FIGN: variants seen among roughly 807,000 people sequenced by gnomAD.
FIGN encodes fidgetin, microtubule severing factor.
Under a neutral mutation model 51.3 loss-of-function variants are expected in FIGN, and 11 were observed. The observed-to-expected ratio is 0.21, with a 90% CI of 0.13 to 0.35. FIGN has a LOEUF of 0.35. Among genes scored for constraint, FIGN ranks in the 10% least tolerant of loss-of-function variants. FIGN has a pLI of 1.00. For synonymous variants in FIGN, 407 were observed against 363.2 expected (o/e 1.12, Z -1.37); for missense variants, 857 against 943.6 (o/e 0.91, Z 1.20).
chr2:163,645,902 AC>A (rs1003370381), intron 2 of FIGN, among the ~76,000 whole-genome samples: 1 of 152,218 alleles, frequency 6.6e-6, no homozygotes, highest in Non-Finnish European at 1.5e-5. Flanking sequence ...CACCCTCCAA[AC>A]TTTTATTTCA....
At position 163,656,985 on chromosome 2, in the gene FIGN, A is replaced by T. The variant is rs1005557966; in HGVS notation, c.26-45179T>A. ...CTGAATGTATATGGAAAACAGATACATATTGTAAATGGAAAACAGAAAGAA... is the reference window on the plus strand; with the variant it reads ...CTGAATGTATATGGAAAACAGATACTTATTGTAAATGGAAAACAGAAAGAA... On this transcript the variant is annotated intron_variant, in intron 2 of 2. Transcript: ENST00000333129. Among the ~76,000 whole-genome samples, 16 of 152,284 alleles carry T rather than the reference A, an allele frequency of 1.1e-4. No individual in the cohort carries two copies. In the East Asian group the frequency reaches 2.9e-3, roughly 28 times the overall value.
intron 2 of FIGN, among the ~76,000 whole-genome samples, chr2:163,702,576 G>T (rs1190727195): frequency 6.6e-6 from 1 of 151,760 alleles, no homozygotes; most frequent in East Asian, 1.9e-4. Context: ...CAAACCAAAG[G>T]CTACTCTGAA....
At chr2:163,659,375 C>T (rs1381597421) in intron 2 of FIGN, among the ~76,000 whole-genome samples, 2 of 151,800 alleles carry the variant, frequency 1.3e-5, no homozygotes, top group African/African-American at 4.9e-5. Context: ...ACTACTAGAA[C>T]AATCTGTCCT....
chr2:163,615,192 C>T (rs1028069145), intron 2 of FIGN, among the ~76,000 whole-genome samples: 4 of 152,092 alleles, frequency 2.6e-5, no homozygotes, highest in South Asian at 2.1e-4. Context: ...TAACAATAAC[C>T]TTTGCAGAGC....
intron 2 of FIGN, among the ~76,000 whole-genome samples, chr2:163,659,146 T>G (rs1683611120): frequency 6.6e-6 from 1 of 152,160 alleles, no homozygotes; most frequent in African/African-American, 2.4e-5. Context: ...GAATGATAAA[T>G]AAGTTCAGAA....
intron 2 of FIGN, among the ~76,000 whole-genome samples, chr2:163,647,677 TAA>T (rs1354236767): frequency 6.6e-6 from 1 of 152,164 alleles, no homozygotes; most frequent in Non-Finnish European, 1.5e-5. Flanking sequence ...ACAAACTTTA[TAA>T]AACAAGAGGG....
chr2:163,669,996 A>G (rs1407205415), intron 2 of FIGN, among the ~76,000 whole-genome samples: 2 of 152,206 alleles, frequency 1.3e-5, no homozygotes, highest in Non-Finnish European at 2.9e-5. Context: ...ACATTTTTAC[A>G]TCAATGAAGT....
chr2:163,657,021 A>G (rs563358294), intron 2 of FIGN, among the ~76,000 whole-genome samples: 8 of 152,212 alleles, frequency 5.3e-5, no homozygotes, highest in African/African-American at 1.4e-4. Context: ...GGCCATCTTT[A>G]TAAGGCCAAC....
rs541813556 is a variant in FIGN at position 163,651,113 on chromosome 2, G to A, written c.26-39307C>T. Reference sequence around the variant, plus strand: ...AAAGACTTAAAATTGTCCTTTCATTGCTTTTATACATTTTATAGTCTGGGT... The same window carrying A: ...AAAGACTTAAAATTGTCCTTTCATTACTTTTATACATTTTATAGTCTGGGT... On this transcript the variant is annotated intron_variant, in intron 2 of 2. Coordinates refer to ENST00000333129, the MANE Select transcript of FIGN (RefSeq NM_018086.4). Among the ~76,000 whole-genome samples, 3 of 152,270 alleles carry A rather than the reference G, an allele frequency of 2.0e-5. No homozygotes were observed. The East Asian group carries it at 5.8e-4, about 29-fold the overall frequency.
chr2:163,718,831 CAGAG>C (rs969274320), intron 2 of FIGN, among the ~76,000 whole-genome samples: 4 of 131,308 alleles, frequency 3.0e-5, no homozygotes, highest in South Asian at 2.3e-4. Context: ...ATATATAAGA[CAGAG>C]AGAGTGAGAG....
At chr2:163,673,117 C>T (rs190321477) in intron 2 of FIGN, among the ~76,000 whole-genome samples, 2 of 152,016 alleles carry the variant, frequency 1.3e-5, no homozygotes, top group Admixed American at 1.3e-4. Context: ...AAAGACATCC[C>T]TTATTTAGAA....
chr2:163,639,688 G>T, intron 2 of FIGN, among the ~76,000 whole-genome samples: 1 of 152,176 alleles, frequency 6.6e-6, no homozygotes, highest in Middle Eastern at 3.4e-3. Flanking sequence ...ATAGGAAATA[G>T]TTACATCATT....
chr2:163,641,158 G>GAGTAGGCC (rs1400515845), intron 2 of FIGN, among the ~76,000 whole-genome samples: 21 of 152,226 alleles, frequency 1.4e-4, no homozygotes, highest in Non-Finnish European at 2.9e-4. Flanking sequence ...TAATGGAGAA[G>GAGTAGGCC]AGTAGGCCGC....
chr2:163,661,342 C>A (rs575171121), intron 2 of FIGN, among the ~76,000 whole-genome samples: 1 of 151,426 alleles, frequency 6.6e-6, no homozygotes, highest in Admixed American at 6.6e-5. Flanking sequence ...TGGGTTCAAG[C>A]GATTCTTCCA....
intron 2 of FIGN, among the ~76,000 whole-genome samples, chr2:163,702,175 C>T (rs1227721788): frequency 3.3e-5 from 5 of 152,080 alleles, no homozygotes; most frequent in Admixed American, 2.6e-4. Context: ...GAAGCTGATC[C>T]TCACTAAATA....
At chr2:163,675,367 A>G (rs1683940256) in intron 2 of FIGN, among the ~76,000 whole-genome samples, 1 of 152,216 alleles carries the variant, frequency 6.6e-6, no homozygotes, top group Non-Finnish European at 1.5e-5. Context: ...GGCCCTAACT[A>G]CTCAGAATCT....
intron 2 of FIGN, among the ~76,000 whole-genome samples, chr2:163,690,076 C>A (rs556895268): frequency 6.6e-6 from 1 of 152,204 alleles, no homozygotes; most frequent in African/African-American, 2.4e-5. Context: ...AAGATACATA[C>A]AACATAAATC....
At chr2:163,689,371 G>A (rs962624770) in intron 2 of FIGN, among the ~76,000 whole-genome samples, 2 of 152,072 alleles carry the variant, frequency 1.3e-5, no homozygotes, top group Non-Finnish European at 2.9e-5. Context: ...TCACATATAT[G>A]TCTTGATCCA....
In FIGN at chr2:163,611,330, A is replaced by G. The variant is rs1691253030; in HGVS notation, c.502T>C (p.Cys168Arg). 1.2e-6 allele frequency: 2 copies of G among 1,614,176 alleles called. No homozygotes were observed. The highest frequency in any genetic ancestry group is 1.7e-6 in the Non-Finnish European group (2 of 1,180,022). Residue 168 changes from cysteine (C) to arginine (R), a missense_variant, in exon 3 of 3, where the codon TGT (cysteine) becomes CGT (arginine). Physicochemically the swap from Cys to Arg is radical, Grantham distance 180. This residue lies in a region of FIGN where 799 missense variants were observed against 849.5 expected (regional missense o/e 0.94). Transcript: ENST00000333129. The stretch of plus-strand genomic sequence containing the variant: ...AGACTGGGTACAGTGTGGCTTCCAC[A>G]GGTACTACTTGAATAACTAGGTTCT... Reference protein sequence around the residue: ...LTEPSYSSSTCGSHTVPSLHA... With the variant: ...LTEPSYSSSTRGSHTVPSLHA...
Sources: allele counts gnomAD v4.1 joint callset (sites outside exome capture counted in the v4.1 genomes callset), GRCh38; gene constraint gnomAD v4.1.1; regional missense constraint gnomAD v4.1.1; transcripts MANE v1.5; gene names NCBI Gene and HGNC (gene_info 2026-07-23, HGNC 2026-07-21).